The following TMC1 variants were observed in gnomAD, a reference collection of about 807,000 sequenced individuals.
TMC1 encodes the protein transmembrane channel-like protein 1.
In TMC1, 84 loss-of-function variants were observed where a neutral mutation model predicts 105.8. The ratio of observed to expected loss-of-function variants is 0.79; its 90% CI spans 0.67 to 0.95. The LOEUF (loss-of-function observed/expected upper bound fraction) is 0.95. TMC1 is among the 40% of genes least tolerant of loss of function. TMC1 has a pLI of 0.00. For missense variants in TMC1, 817 were observed against 914.1 expected, an observed-to-expected ratio of 0.89 and a Z score of 1.37; for synonymous variants, 315 against 311.5, an observed-to-expected ratio of 1.01 and a Z score of -0.12.
intron 1 of TMC1, among the ~76,000 whole-genome samples, chr9:72,530,844 G>A (rs7865757): frequency 0.5 from 71,391 of 144,104 alleles, 18,143 homozygotes; most frequent in African/African-American, 0.62. Context: ...TTTTTGAGGT[G>A]GAGTCTTACT....
intron 1 of TMC1, among the ~76,000 whole-genome samples, chr9:72,559,396 AG>A (rs1374224188): frequency 6.6e-6 from 1 of 152,128 alleles, no homozygotes; most frequent in Non-Finnish European, 1.5e-5. Flanking sequence ...GCCTGGCAAG[AG>A]ATAGAATTTT....
At chr9:72,669,685 T>C (rs1228566021) in intron 5 of TMC1, among the ~76,000 whole-genome samples, 1 of 151,904 alleles carries the variant, frequency 6.6e-6, no homozygotes, top group Non-Finnish European at 1.5e-5. Context: ...AGCTAGTCTC[T>C]TGACTCATTT....
At chr9:72,550,213 A>G (rs963353515) in intron 1 of TMC1, among the ~76,000 whole-genome samples, 1 of 151,398 alleles carries the variant, frequency 6.6e-6, no homozygotes, top group Admixed American at 6.6e-5. Context: ...CCTGCCTGTA[A>G]TCCCAGCACT....
intron 1 of TMC1, among the ~76,000 whole-genome samples, chr9:72,531,228 G>A (rs936303597): frequency 1.8e-4 from 27 of 152,078 alleles, no homozygotes; most frequent in African/African-American, 6.3e-4. Flanking sequence ...AGTATCAGGA[G>A]CCTCTGGAGT....
intron 10 of TMC1, 86 bp downstream of exon 10, chr9:72,742,611 A>T: frequency 8.8e-7 from 1 of 1,139,030 alleles, no homozygotes. Context: ...CAGTTTCTGG[A>T]CTTTTGGGAA....
chr9:72,526,453 C>G (rs11143314), intron 1 of TMC1, among the ~76,000 whole-genome samples: 44,906 of 152,032 alleles, frequency 0.3, 7,397 homozygotes, highest in African/African-American at 0.42. Flanking sequence ...TCATGTAAGC[C>G]TGGTTCTCCA....
At chr9:72,538,959 T>C (rs1208781790) in intron 1 of TMC1, among the ~76,000 whole-genome samples, 1 of 152,152 alleles carries the variant, frequency 6.6e-6, no homozygotes, top group African/African-American at 2.4e-5. Flanking sequence ...TGCTATGGCA[T>C]GAGCTAGTTT....
intron 5 of TMC1, among the ~76,000 whole-genome samples, chr9:72,670,622 A>C (rs1826114116): frequency 1.3e-5 from 2 of 152,238 alleles, no homozygotes; most frequent in South Asian, 4.1e-4. Flanking sequence ...ATTAGTAAAC[A>C]AAGAGCTAAT....
At chr9:72,628,600 C>A (rs1825393058) in intron 4 of TMC1, among the ~76,000 whole-genome samples, 1 of 152,200 alleles carries the variant, frequency 6.6e-6, no homozygotes, top group African/African-American at 2.4e-5. Flanking sequence ...CCAAGTCAAT[C>A]TATTTTTAGA....
chr9:72,766,025 A>G (rs1827828086), intron 12 of TMC1, among the ~76,000 whole-genome samples: 1 of 152,180 alleles, frequency 6.6e-6, no homozygotes, highest in Non-Finnish European at 1.5e-5. Flanking sequence ...ATATTAGACA[A>G]TCATCCTGAA....
intron 5 of TMC1, among the ~76,000 whole-genome samples, chr9:72,672,823 A>AAC (rs34028814): frequency 0.17 from 23,813 of 139,692 alleles, 1,943 homozygotes; most frequent in East Asian, 0.29. Context: ...AAGCCTGGGC[A>AAC]ACACACACAC....
intron 2 of TMC1, among the ~76,000 whole-genome samples, chr9:72,603,694 C>T (rs7469726): frequency 0.11 from 17,116 of 151,660 alleles, 1,110 homozygotes; most frequent in Non-Finnish European, 0.16. Context: ...GGATTACAGG[C>T]CCCCGCCACC....
Position 72,806,722 on chromosome 9 carries a change from T to C in TMC1, c.1695+1212T>C, listed in dbSNP as rs1394523908. On this transcript the variant is annotated intron_variant, in intron 18 of 23. Coordinates refer to ENST00000297784, the MANE Select transcript of TMC1 (RefSeq NM_138691.3). ...AGATGTGATGGTGGCCGGGAAGAGGTGCTCCTCACTTCCTAGGTGGGATGG... is the reference window on the plus strand; with the variant it reads ...AGATGTGATGGTGGCCGGGAAGAGGCGCTCCTCACTTCCTAGGTGGGATGG... Among the ~76,000 whole-genome samples the C allele has an allele frequency of 4.6e-5, 6 of 131,764 alleles. No homozygotes were observed. The East Asian group carries it at 6.9e-4, about 15-fold the overall frequency. 86.4% of individuals were successfully genotyped at this position (131,764 alleles called of 152,430 possible).
chr9:72,807,027 T>C (rs554025829), intron 18 of TMC1, among the ~76,000 whole-genome samples: 12 of 152,292 alleles, frequency 7.9e-5, no homozygotes, highest in South Asian at 6.2e-4. Flanking sequence ...CTCGGGAGGC[T>C]GAGGCTGGCG....
intron 1 of TMC1, among the ~76,000 whole-genome samples, chr9:72,552,533 C>CA (rs1438457107): frequency 2.6e-5 from 4 of 152,162 alleles, no homozygotes; most frequent in African/African-American, 9.7e-5. Context: ...TGCTTATTTG[C>CA]ACCTTGGACT....
At chr9:72,609,783 T>C (rs1824992907) in intron 2 of TMC1, among the ~76,000 whole-genome samples, 2 of 152,174 alleles carry the variant, frequency 1.3e-5, no homozygotes, top group South Asian at 4.1e-4. Flanking sequence ...ACTTCCTTTT[T>C]ACATGTCTTT....
intron 1 of TMC1, among the ~76,000 whole-genome samples, chr9:72,552,180 G>A (rs544174873): frequency 6.6e-6 from 1 of 152,262 alleles, no homozygotes; most frequent in Admixed American, 6.5e-5. Flanking sequence ...ATTTCTGCCA[G>A]GGAAGAGGAG....
intron 2 of TMC1, among the ~76,000 whole-genome samples, chr9:72,597,294 T>C (rs1270387570): frequency 6.6e-6 from 1 of 152,214 alleles, no homozygotes; most frequent in Non-Finnish European, 1.5e-5. Context: ...ACCATGCCCT[T>C]GCCAAGCAGG....
chr9:72,742,154 C>T (rs574769982), intron 9 of TMC1, among the ~76,000 whole-genome samples: 2 of 151,960 alleles, frequency 1.3e-5, no homozygotes, highest in Admixed American at 1.3e-4. Context: ...GTGCTAATCC[C>T]CTGCTTTCTT....
Sources: gnomAD v4.1 joint callset for allele counts (sites outside exome capture counted in the v4.1 genomes callset) on GRCh38, gnomAD v4.1.1 for gene constraint, MANE v1.5 for transcripts, NCBI Gene and HGNC (gene_info 2026-07-23, HGNC 2026-07-21) for gene names.